Variants in OLFM3 observed in about 807,000 individuals in gnomAD.
OLFM3 encodes olfactomedin 3, also known as noelin-3.
In OLFM3, 20 loss-of-function variants were observed where a neutral mutation model predicts 48.6. The observed-to-expected ratio is 0.41, with a 90% CI of 0.29 to 0.60. OLFM3 has a LOEUF of 0.60. Ranked by LOEUF, OLFM3 falls within the 20% of genes least tolerant of loss-of-function variation. The pLI, the probability that OLFM3 is intolerant of heterozygous loss-of-function variation, is 0.28. For missense variants in OLFM3, 437 were observed against 544.3 expected (o/e 0.80, Z 1.96); for synonymous variants, 222 against 198.1 (o/e 1.12, Z -1.01).
At chr1:101,860,307 A>G (rs1476708410) in intron 1 of OLFM3, among the ~76,000 whole-genome samples, 2 of 152,146 alleles carry the variant, frequency 1.3e-5, no homozygotes, top group Non-Finnish European at 2.9e-5. Context: ...TTGAACTAAA[A>G]AAATAAAAAT....
At chr1:101,945,286 C>T (rs1045919242) in intron 1 of OLFM3, among the ~76,000 whole-genome samples, 10 of 152,058 alleles carry the variant, frequency 6.6e-5, no homozygotes, top group African/African-American at 2.4e-4. Context: ...AATGAATAAA[C>T]GAATGTGATA....
chr1:101,899,096 C>A (rs891476565), intron 1 of OLFM3, among the ~76,000 whole-genome samples: 1 of 152,172 alleles, frequency 6.6e-6, no homozygotes, highest in African/African-American at 2.4e-5. Flanking sequence ...TACAGCTCAG[C>A]TGGGAGGCTC....
chr1:101,948,374 C>A (rs904238646), intron 1 of OLFM3, among the ~76,000 whole-genome samples: 4 of 151,498 alleles, frequency 2.6e-5, no homozygotes, highest in African/African-American at 9.7e-5. Flanking sequence ...CTTTTCTTAC[C>A]AAATCAATTA....
intron 1 of OLFM3, among the ~76,000 whole-genome samples, chr1:101,935,724 C>T (rs1659593176): frequency 6.6e-6 from 1 of 151,976 alleles, no homozygotes; most frequent in Non-Finnish European, 1.5e-5. Context: ...CAAAATTTCT[C>T]AACAAAAATA....
At chr1:101,971,918 A>T (rs969388707) in intron 1 of OLFM3, among the ~76,000 whole-genome samples, 2 of 151,634 alleles carry the variant, frequency 1.3e-5, no homozygotes, top group African/African-American at 4.8e-5. Flanking sequence ...GTTTGTTTTT[A>T]TGTATTTTAT....
At chr1:101,945,083 A>G (rs770829871) in intron 1 of OLFM3, among the ~76,000 whole-genome samples, 5 of 152,182 alleles carry the variant, frequency 3.3e-5, no homozygotes, top group Non-Finnish European at 7.3e-5. Context: ...ACTCTCATAC[A>G]CTGCTTGGAA....
intron 1 of OLFM3, among the ~76,000 whole-genome samples, chr1:101,950,548 C>G (rs1245212830): frequency 6.6e-6 from 1 of 151,674 alleles, no homozygotes; most frequent in Non-Finnish European, 1.5e-5. Context: ...ACGCCATTCT[C>G]CTGCCTCAGC....
chr1:101,980,340 C>T (rs1661074832), intron 1 of OLFM3, among the ~76,000 whole-genome samples: 1 of 152,080 alleles, frequency 6.6e-6, no homozygotes, highest in Non-Finnish European at 1.5e-5. Context: ...GCACTAAAAT[C>T]TCACCTCAAA....
At chr1:101,846,964 G>A in intron 1 of OLFM3, 1 of 1,611,842 alleles carries the variant, frequency 6.2e-7, no homozygotes, top group South Asian at 1.1e-5. Context: ...TTCAGCAGTG[G>A]AGGACTCATT....
chr1:101,977,935 A>G (rs1661000262), intron 1 of OLFM3, among the ~76,000 whole-genome samples: 1 of 152,142 alleles, frequency 6.6e-6, no homozygotes, highest in Non-Finnish European at 1.5e-5. Context: ...TCTTTCTCAT[A>G]ACATATACTG....
intron 1 of OLFM3, among the ~76,000 whole-genome samples, chr1:101,853,710 T>C (rs1656307934): frequency 6.6e-6 from 1 of 152,128 alleles, no homozygotes; most frequent in Non-Finnish European, 1.5e-5. Context: ...ACAGTACAGC[T>C]TATTCTTGCA....
intron 1 of OLFM3, among the ~76,000 whole-genome samples, chr1:101,944,072 A>G (rs1659880789): frequency 6.6e-6 from 1 of 150,674 alleles, no homozygotes; most frequent in Non-Finnish European, 1.5e-5. Context: ...GTGGGAATAC[A>G]TATATATACA....
In OLFM3 at chr1:101,881,745, G is replaced by T. The variant is rs1018148392; in HGVS notation, c.70-44720C>A. The stretch of plus-strand genomic sequence containing the variant: ...ACAGTCTTTGAGGCGAATTACAAAA[G>T]TCCAGCCACTGTCATCCTCCTGAGT... On this transcript the variant is annotated intron_variant, in intron 1 of 5. Transcript: ENST00000370103. 1.2e-4 allele frequency among the ~76,000 whole-genome samples: 18 copies of T among 151,522 alleles called. No individual in the cohort carries two copies. In the Admixed American group the frequency reaches 1.2e-3, roughly 10 times the overall value.
At chr1:101,908,027 TC>T (rs1459363411) in intron 1 of OLFM3, among the ~76,000 whole-genome samples, 1 of 152,224 alleles carries the variant, frequency 6.6e-6, no homozygotes, top group African/African-American at 2.4e-5. Context: ...TAGCATTTTT[TC>T]CTCACTAAAT....
chr1:101,818,700 T>C (rs1002672769), intron 4 of OLFM3, among the ~76,000 whole-genome samples: 1 of 152,120 alleles, frequency 6.6e-6, no homozygotes, highest in Non-Finnish European at 1.5e-5. Flanking sequence ...TGCATTGCCA[T>C]TGAAGAGAGA....
intron 4 of OLFM3, among the ~76,000 whole-genome samples, chr1:101,824,092 G>T (rs1009941710): frequency 6.6e-6 from 1 of 151,788 alleles, no homozygotes; most frequent in African/African-American, 2.4e-5. Flanking sequence ...TTCTTTACTA[G>T]AAATTAATCT....
At chr1:101,960,426 A>T (rs1660433522) in intron 1 of OLFM3, among the ~76,000 whole-genome samples, 2 of 152,218 alleles carry the variant, frequency 1.3e-5, no homozygotes, top group South Asian at 4.1e-4. Flanking sequence ...TCAAGGGCTC[A>T]TTATAATTTC....
intron 1 of OLFM3, chr1:101,882,785 G>T (rs1657588828): frequency 6.6e-6 from 1 of 151,832 alleles, no homozygotes; most frequent in African/African-American, 2.4e-5. Context: ...CCTCAACAAG[G>T]CAGGGACAGC....
chr1:101,856,558 C>G (rs1252697168), intron 1 of OLFM3, among the ~76,000 whole-genome samples: 1 of 151,922 alleles, frequency 6.6e-6, no homozygotes, highest in Non-Finnish European at 1.5e-5. Context: ...TAAAGGTTGT[C>G]TCTTGTTATT....
Sources: allele counts gnomAD v4.1 joint callset (sites outside exome capture counted in the v4.1 genomes callset), GRCh38; gene constraint gnomAD v4.1.1; transcripts MANE v1.5; gene names NCBI Gene and HGNC (gene_info 2026-07-23, HGNC 2026-07-21).